Variants in DOCK11 observed in about 807,000 individuals in gnomAD.
DOCK11 encodes the protein dedicator of cytokinesis 11.
A neutral mutation model predicts 169.1 loss-of-function variants in DOCK11; 70 were observed. The observed-to-expected ratio is 0.41, with a 90% CI of 0.34 to 0.51. The LOEUF (loss-of-function observed/expected upper bound fraction) is 0.51. DOCK11 is among the 20% of genes least tolerant of loss of function. The probability of loss-of-function intolerance (pLI) is 0.10; values close to 1 mark genes in which losing one functional copy is unlikely to be tolerated. For synonymous variants in DOCK11, 529 were observed against 541.3 expected (o/e 0.98, Z 0.32); for missense variants, 1,166 against 1,538.8 (o/e 0.76, Z 4.05).
intron 6 of DOCK11, among the ~76,000 whole-genome samples, chrX:118,559,409 A>T (rs1305097482): frequency 9.0e-6 from 1 of 111,387 alleles, no homozygotes; most frequent in African/African-American, 3.3e-5. Flanking sequence ...TTTTCATATT[A>T]TTTTTTTCAT....
chrX:118,603,076 G>A (rs957676481), intron 23 of DOCK11, among the ~76,000 whole-genome samples: 12 of 112,098 alleles, frequency 1.1e-4, no homozygotes, highest in African/African-American at 3.9e-4. Flanking sequence ...AAGGCCTATT[G>A]GGGGAAATAG....
intron 16 of DOCK11, among the ~76,000 whole-genome samples, chrX:118,585,389 TA>T (rs1446100413): frequency 9.3e-6 from 1 of 107,527 alleles, no homozygotes; most frequent in Non-Finnish European, 1.9e-5. Flanking sequence ...TGCCTTCCAG[TA>T]GCTCCCAGCT....
chrX:118,641,044 C>T, intron 38 of DOCK11, 146 bp from the exon 39 acceptor site: 1 of 472,905 alleles, frequency 2.1e-6, no homozygotes, highest in Admixed American at 3.6e-5. Flanking sequence ...CCGCCTCAGC[C>T]TCCCAAAGTG....
intron 39 of DOCK11, among the ~76,000 whole-genome samples, chrX:118,643,180 A>C (rs1393353036): frequency 2.7e-5 from 3 of 111,855 alleles, no homozygotes; most frequent in Non-Finnish European, 5.6e-5. Context: ...ATAGGTTAAT[A>C]GAAAATACTC....
chrX:118,540,895 T>G (rs1334458295), intron 1 of DOCK11, among the ~76,000 whole-genome samples: 4 of 111,795 alleles, frequency 3.6e-5, no homozygotes, highest in Non-Finnish European at 7.5e-5. Flanking sequence ...TATAAAATTT[T>G]AAGGAAATAA....
intron 3 of DOCK11, among the ~76,000 whole-genome samples, chrX:118,543,262 CT>C (rs762048961): frequency 8.1e-5 from 9 of 111,292 alleles, no homozygotes; most frequent in Non-Finnish European, 1.7e-4. Flanking sequence ...TGCATATGAC[CT>C]TAGTGTTTTC....
chrX:118,604,753 T>G (rs780121877), intron 23 of DOCK11, among the ~76,000 whole-genome samples: 23 of 111,129 alleles, frequency 2.1e-4, no homozygotes, highest in Admixed American at 2.0e-3. Flanking sequence ...GCAAAAGTGC[T>G]TCCGTTTTGT....
intron 12 of DOCK11, among the ~76,000 whole-genome samples, chrX:118,574,732 C>A (rs2013392004): frequency 8.9e-6 from 1 of 112,248 alleles, no homozygotes; most frequent in Non-Finnish European, 1.9e-5. Flanking sequence ...ATGAGTAGGT[C>A]ATTTGAATGG....
intron 50 of DOCK11, among the ~76,000 whole-genome samples, 153 bp from the exon 51 acceptor site, chrX:118,681,541 T>C (rs2016743471): frequency 1.8e-5 from 2 of 112,838 alleles, no homozygotes; most frequent in African/African-American, 3.2e-5. Context: ...CTTTAGTTAA[T>C]GGTTTTTTGA....
At chrX:118,656,633 T>C (rs1424722887) in intron 44 of DOCK11, among the ~76,000 whole-genome samples, 1 of 112,224 alleles carries the variant, frequency 8.9e-6, no homozygotes, top group African/African-American at 3.2e-5. Context: ...TTCAAGTATG[T>C]CTTCAGAGAA....
chrX:118,641,088 C>T, intron 38 of DOCK11, 102 bp from the exon 39 acceptor site: 6 of 610,469 alleles, frequency 9.8e-6, no homozygotes, highest in Non-Finnish European at 1.6e-5. Context: ...CGCACCCAGC[C>T]GAGCCCCCTT....
At chrX:118,633,599 G>A (rs963147801) in intron 35 of DOCK11, 11 of 112,252 alleles carry the variant, frequency 9.8e-5, no homozygotes, top group African/African-American at 3.6e-4. Context: ...GTCATTAGAG[G>A]AACTTTTCGC....
Position 118,571,672 on chromosome X carries a change from C to T in DOCK11, c.1036-651C>T, listed in dbSNP as rs182571762. Among the ~76,000 whole-genome samples, 6 of 111,966 alleles carry T rather than the reference C, an allele frequency of 5.4e-5. No homozygotes were observed. The South Asian group carries it at 1.9e-3, about 35-fold the overall frequency. On this transcript the variant is annotated intron_variant, in intron 10 of 52. Transcript: ENST00000276202. ...TTTTGCATCCTGCACAGCTCAAAAA[C>T]GAAACCAAATTTCGACTGTCCTGGA...
Position 118,547,981 on chromosome X carries a change from G to A in DOCK11, c.558+1865G>A, listed in dbSNP as rs183215012. Among the ~76,000 whole-genome samples, 1,029 of 111,519 alleles carry A rather than the reference G, an allele frequency of 9.2e-3. 12 individuals carry two copies. Among genetic ancestry groups the A allele is most frequent in the African/African-American group, 0.032 (982 of 30,686 alleles). On this transcript the variant is annotated intron_variant, in intron 6 of 52. Transcript: ENST00000276202. Reference sequence around the variant, plus strand: ...GAGGATCGCTTGAGCCCAGGAGTTCGAGGCTGCAGTGAGCTATGATCACAC... The same window carrying A: ...GAGGATCGCTTGAGCCCAGGAGTTCAAGGCTGCAGTGAGCTATGATCACAC...
intron 40 of DOCK11, among the ~76,000 whole-genome samples, chrX:118,648,090 G>GTA (rs2015821968): frequency 1.6e-5 from 1 of 63,458 alleles, no homozygotes; most frequent in Non-Finnish European, 2.7e-5. Context: ...AATATAAATT[G>GTA]TAATATTATA....
At chrX:118,590,819 G>A (rs1412891121) in intron 19 of DOCK11, among the ~76,000 whole-genome samples, 1 of 111,579 alleles carries the variant, frequency 9.0e-6, no homozygotes, top group Non-Finnish European at 1.9e-5. Flanking sequence ...CACATAAAGG[G>A]GTATGGTTGG....
At chrX:118,630,908 T>C (rs1569435263) in intron 35 of DOCK11, among the ~76,000 whole-genome samples, 1 of 111,965 alleles carries the variant, frequency 8.9e-6, no homozygotes, top group Non-Finnish European at 1.9e-5. Context: ...GAAGAGTTCT[T>C]GAAGGGTAGG....
At chrX:118,597,793 T>A (rs941837436) in intron 21 of DOCK11, among the ~76,000 whole-genome samples, 1 of 111,750 alleles carries the variant, frequency 8.9e-6, no homozygotes, top group African/African-American at 3.2e-5. Context: ...TGCATAATTT[T>A]AAAAAATTAT....
chrX:118,671,088 A>G lies in DOCK11; in HGVS notation c.5142A>G (p.Ile1714Met). ...DGLWKAERYE[I>M]ISEISKLIVP... ...TATGGAAGGCAGAACGTTATGAAAT[A>G]ATTTCTGAGATTTCCAAGTTGATCG... is the stretch of plus-strand genomic sequence containing the variant. Residue 1714 changes from isoleucine to methionine, a missense_variant, in exon 46 of 53, where the codon ATA (isoleucine) becomes ATG (methionine). By Grantham distance (10) the Ile-to-Met change is conservative (BLOSUM62 1). Transcript: ENST00000276202. 1 of 1,206,337 alleles carries G rather than the reference A, an allele frequency of 8.3e-7. No individual in the cohort carries two copies. The highest frequency in any genetic ancestry group is 1.1e-6 in the Non-Finnish European group (1 of 891,931).
Sources: gnomAD v4.1 joint callset for allele counts (sites outside exome capture counted in the v4.1 genomes callset) on GRCh38, gnomAD v4.1.1 for gene constraint, MANE v1.5 for transcripts, NCBI Gene and HGNC (gene_info 2026-07-23, HGNC 2026-07-21) for gene names.